Variants in SYNE2 observed in about 807,000 individuals in gnomAD.
The protein encoded by SYNE2 is spectrin repeat containing nuclear envelope protein 2.
Under a neutral mutation model 856.3 loss-of-function variants are expected in SYNE2, and 431 were observed. That is an observed-to-expected ratio of 0.50 (90% CI 0.47 to 0.55). The LOEUF is 0.55. Ranked by LOEUF, SYNE2 falls within the 20% of genes least tolerant of loss-of-function variation. SYNE2 has a pLI of 0.00. For synonymous variants in SYNE2, 2,923 were observed against 2,872.3 expected (o/e 1.02, Z -0.56); for missense variants, 8,129 against 8,023.2 (o/e 1.01, Z -0.50).
chr14:64,134,471 C>A (rs1303993885), intron 78 of SYNE2, among the ~76,000 whole-genome samples: 3 of 152,152 alleles, frequency 2.0e-5, no homozygotes, highest in Non-Finnish European at 2.9e-5. Context: ...GCCTCAATTT[C>A]TTTATCTGTG....
chr14:63,840,738 C>T (rs766357919), intron 1 of SYNE2, among the ~76,000 whole-genome samples: 2 of 152,130 alleles, frequency 1.3e-5, no homozygotes, highest in Admixed American at 6.6e-5. Flanking sequence ...AGAGGCTGTG[C>T]GCAGTGGCTC....
At chr14:64,171,931 A>G (rs1395651477) in intron 94 of SYNE2, among the ~76,000 whole-genome samples, 1 of 152,072 alleles carries the variant, frequency 6.6e-6, no homozygotes, top group Non-Finnish European at 1.5e-5. Flanking sequence ...GCTCACTGCA[A>G]CCTCTGCCTC....
intron 65 of SYNE2, 92 bp downstream of exon 65, chr14:64,107,699 G>A (rs1480287274): frequency 3.3e-5 from 32 of 983,718 alleles, no homozygotes; most frequent in Admixed American, 1.5e-4. Flanking sequence ...TACCTTGTAC[G>A]TCAAGCTAAG....
At chr14:64,027,272 CAAT>C (rs2096988055) in intron 42 of SYNE2, among the ~76,000 whole-genome samples, 2 of 152,080 alleles carry the variant, frequency 1.3e-5, no homozygotes, top group Non-Finnish European at 2.9e-5. Flanking sequence ...TAACAGAAAA[CAAT>C]TATTTTTTAG....
intron 1 of SYNE2, among the ~76,000 whole-genome samples, chr14:63,857,187 T>G (rs970521416): frequency 2.0e-5 from 3 of 152,256 alleles, no homozygotes; most frequent in African/African-American, 7.2e-5. Flanking sequence ...TTTCTGTCTC[T>G]GTGGATTAGT....
chr14:63,909,695 G>A (rs757012320), intron 2 of SYNE2, among the ~76,000 whole-genome samples: 5 of 152,130 alleles, frequency 3.3e-5, no homozygotes, highest in Middle Eastern at 3.2e-3. Context: ...TACAAAATTA[G>A]CCAGGTGTTG....
intron 49 of SYNE2, among the ~76,000 whole-genome samples, chr14:64,059,204 G>T (rs183122019): frequency 2.6e-5 from 4 of 152,192 alleles, no homozygotes; most frequent in Admixed American, 2.0e-4. Flanking sequence ...TGTTTTCATG[G>T]ATGGTCTTGA....
chr14:63,812,821 C>G (rs971393415), intron 1 of SYNE2, among the ~76,000 whole-genome samples: 1 of 152,098 alleles, frequency 6.6e-6, no homozygotes, highest in Non-Finnish European at 1.5e-5. Context: ...CTAGGTGCAG[C>G]AAACCACCAT....
intron 79 of SYNE2, among the ~76,000 whole-genome samples, chr14:64,138,942 G>A (rs2098118216): frequency 7.5e-6 from 1 of 134,048 alleles, no homozygotes; most frequent in Admixed American, 7.3e-5. Context: ...GTGTGTGTAT[G>A]TATGGTGTGT....
intron 1 of SYNE2, among the ~76,000 whole-genome samples, chr14:63,839,435 C>T (rs145314301): frequency 6.6e-6 from 1 of 152,288 alleles, no homozygotes; most frequent in Non-Finnish European, 1.5e-5. Flanking sequence ...CCACCCCCCA[C>T]GCCCATTTAC....
chr14:63,890,053 CTTTTTTTTTTTTTT>C (rs71123813), intron 1 of SYNE2, among the ~76,000 whole-genome samples: 1 of 95,062 alleles, frequency 1.1e-5, no homozygotes, highest in East Asian at 3.1e-4. Context: ...TTCTTTCTTT[CTTTTTTTTTTTTTT>C]TTTTTTTGAG....
chr14:64,061,064 C>T (rs1378829953), intron 49 of SYNE2, among the ~76,000 whole-genome samples: 1 of 152,182 alleles, frequency 6.6e-6, no homozygotes, highest in Non-Finnish European at 1.5e-5. Context: ...ATGCCTCTTT[C>T]AGAGATATGA....
At position 63,783,972 on chromosome 14, in the gene SYNE2, G is replaced by A. The variant is rs553606765; in HGVS notation, c.-305+21986G>A. ...ATGTCTTTGTATTTAGAAAATACAC[G>A]CAAATGTATCAAGGGGTAAAGAACA... On this transcript the variant is annotated intron_variant, in intron 1 of 23. Coordinates refer to the SYNE2 transcript ENST00000674003. 2.6e-5 allele frequency among the ~76,000 whole-genome samples: 4 copies of A among 152,274 alleles called. No individual in the cohort carries two copies. The East Asian group carries it at 5.8e-4, about 22-fold the overall frequency.
intron 1 of SYNE2, among the ~76,000 whole-genome samples, chr14:63,784,291 G>C (rs1196929228): frequency 6.6e-6 from 1 of 151,200 alleles, no homozygotes; most frequent in Non-Finnish European, 1.5e-5. Flanking sequence ...AGGAGTTCGA[G>C]ACCAGCGTGT....
Position 64,221,607 on chromosome 14 carries a change from T to A in SYNE2, c.20093T>A (p.Leu6698Gln). 6.2e-7 allele frequency: 1 copy of A among 1,614,194 alleles called. No individual in the cohort carries two copies. The highest frequency in any genetic ancestry group is 8.5e-7 in the Non-Finnish European group (1 of 1,180,040). ...DFHQLSQNLL[L>Q]WLASAKNRRQ... ...CACCAGTTGAGTCAAAATCTGCTGC[T>A]GTGGTTAGCGAGTGCCAAGAACCGG... Residue 6698 changes from leucine to glutamine, a missense_variant, in exon 112 of 116, where the codon CTG becomes CAG. Leu to Gln is a moderately radical substitution (Grantham distance 113, BLOSUM62 -2). This residue lies in a region of SYNE2 where 5,410 missense variants were observed against 5,284.8 expected (regional missense o/e 1.02). Coordinates refer to ENST00000555002, the MANE Select transcript of SYNE2 (RefSeq NM_182914.3).
At position 64,215,856 on chromosome 14, in the gene SYNE2, G is replaced by A. The variant is rs1179097584; in HGVS notation, c.19403-392G>A. On this transcript the variant is annotated intron_variant, in intron 107 of 115. Transcript: ENST00000555002. ...CCATCCCTATCTGCCATGGTGGGTC[G>A]GGGAGAGCCCTGAGGAGCCTTTTGG... is the stretch of plus-strand genomic sequence containing the variant. The A allele has an allele frequency of 1.2e-5, 11 of 953,432 alleles. No individual in the cohort carries two copies. In the East Asian group the frequency reaches 1.5e-4, roughly 13 times the overall value. 59.1% of individuals were successfully genotyped at this position (953,432 alleles called of 1,614,324 possible).
chr14:63,986,642 G>C lies in SYNE2; in HGVS notation c.2313+25G>C, dbSNP rs1022118095. The stretch of plus-strand genomic sequence containing the variant: ...GGTATGTGTGTAAAAGTATTAAGAG[G>C]GTACTTTCATGGTTGTGCATTTATG... On this transcript the variant is annotated intron_variant, in intron 19 of 115. Coordinates refer to ENST00000555002, the MANE Select transcript of SYNE2 (RefSeq NM_182914.3). 3 of 1,609,690 alleles carry C rather than the reference G, an allele frequency of 1.9e-6. No homozygotes were observed. In the Admixed American group the frequency reaches 5.0e-5, roughly 27 times the overall value.
rs752011037 is a variant in SYNE2 at position 63,993,868 on chromosome 14, G to A, written c.2680G>A (p.Ala894Thr). Reference protein sequence around the residue: ...ALIISNTKSLAKYLKAVEELK... With the variant: ...ALIISNTKSLTKYLKAVEELK... ...AATAATTTCTAATACAAAAAGTCTG[G>A]CCAAGTATTTGAAAGCTGTTGAAGA... Residue 894 changes from alanine (A) to threonine (T), a missense_variant, in exon 22 of 116, where the codon GCC (alanine) becomes ACC (threonine). Around this residue, in one of 3 missense-constraint regions of SYNE2, gnomAD observed 2,422 missense variants for 2,357.4 expected, o/e 1.03. Coordinates refer to ENST00000555002, the MANE Select transcript of SYNE2 (RefSeq NM_182914.3). The A allele has an allele frequency of 1.4e-5, 23 of 1,610,548 alleles. 1 individual carries two copies. In the South Asian group the frequency reaches 1.7e-4, roughly 12 times the overall value.
At chr14:64,123,474 T>A (rs2097913814) in intron 70 of SYNE2, among the ~76,000 whole-genome samples, 1 of 152,232 alleles carries the variant, frequency 6.6e-6, no homozygotes, top group Admixed American at 6.5e-5. Flanking sequence ...ATTTGACCAA[T>A]TAAAGTTCAA....
Sources: gnomAD v4.1 joint callset for allele counts (sites outside exome capture counted in the v4.1 genomes callset) on GRCh38, gnomAD v4.1.1 for gene constraint, gnomAD v4.1.1 regional missense constraint, MANE v1.5 for transcripts, NCBI Gene and HGNC (gene_info 2026-07-23, HGNC 2026-07-21) for gene names.